The following CHCHD3 variants were observed in gnomAD, a reference collection of about 807,000 sequenced individuals.
The protein encoded by CHCHD3 is MICOS complex subunit MIC19.
CHCHD3 carries 20 observed loss-of-function variants against 38.2 expected under a neutral mutation model. That is an observed-to-expected ratio of 0.52 (90% CI 0.37 to 0.76). The LOEUF is 0.76. Among genes scored for constraint, CHCHD3 ranks in the 30% least tolerant of loss-of-function variants. The probability of loss-of-function intolerance (pLI) is 0.00; values close to 1 mark genes in which losing one functional copy is unlikely to be tolerated. For missense variants in CHCHD3, 245 were observed against 279.2 expected (o/e 0.88, Z 0.87); for synonymous variants, 82 against 100.0 (o/e 0.82, Z 1.07).
intron 4 of CHCHD3, among the ~76,000 whole-genome samples, chr7:132,898,690 G>T (rs892893033): frequency 1.3e-5 from 2 of 152,254 alleles, no homozygotes; most frequent in African/African-American, 4.8e-5. Context: ...GGCCGCACAG[G>T]AGCCCACGGA....
intron 4 of CHCHD3, among the ~76,000 whole-genome samples, chr7:132,948,981 G>C (rs1810970103): frequency 6.6e-6 from 1 of 152,078 alleles, no homozygotes; most frequent in African/African-American, 2.4e-5. Flanking sequence ...GAAAATAATA[G>C]TATTTAGTGC....
At chr7:132,810,104 T>A (rs1194472207) in intron 6 of CHCHD3, among the ~76,000 whole-genome samples, 2 of 152,196 alleles carry the variant, frequency 1.3e-5, no homozygotes, top group African/African-American at 4.8e-5. Flanking sequence ...TCGTAATATC[T>A]CATCTCTAGC....
chr7:132,989,522 G>A (rs1812212649), intron 3 of CHCHD3, among the ~76,000 whole-genome samples: 3 of 151,990 alleles, frequency 2.0e-5, no homozygotes, highest in Admixed American at 2.0e-4. Context: ...TTTACACATT[G>A]TATATTACTT....
At chr7:132,792,714 C>T (rs1055141805) in intron 7 of CHCHD3, among the ~76,000 whole-genome samples, 1 of 152,160 alleles carries the variant, frequency 6.6e-6, no homozygotes, top group African/African-American at 2.4e-5. Context: ...CTAGATGGCC[C>T]TCATGGATCA....
At chr7:133,006,062 ATTAAC>A (rs937241836) in intron 3 of CHCHD3, among the ~76,000 whole-genome samples, 2 of 152,230 alleles carry the variant, frequency 1.3e-5, no homozygotes, top group Non-Finnish European at 2.9e-5. Flanking sequence ...CTTAAACTAT[ATTAAC>A]TTAACATTAA....
At chr7:132,811,914 T>A (rs1225981533) in intron 6 of CHCHD3, among the ~76,000 whole-genome samples, 1 of 152,194 alleles carries the variant, frequency 6.6e-6, no homozygotes, top group Non-Finnish European at 1.5e-5. Flanking sequence ...TGTGTGTTGG[T>A]CGCTATCTAA....
chr7:132,832,581 T>C (rs1278666192), intron 6 of CHCHD3, among the ~76,000 whole-genome samples: 1 of 152,140 alleles, frequency 6.6e-6, no homozygotes, highest in African/African-American at 2.4e-5. Context: ...GTATCAATTG[T>C]CCTGTAAAAT....
chr7:132,887,920 A>G (rs1809257132), intron 4 of CHCHD3, among the ~76,000 whole-genome samples: 1 of 151,900 alleles, frequency 6.6e-6, no homozygotes, highest in African/African-American at 2.4e-5. Flanking sequence ...CCTATGTACC[A>G]GATCTAAAAA....
intron 1 of CHCHD3, among the ~76,000 whole-genome samples, chr7:133,070,686 A>G (rs1270332446): frequency 1.3e-5 from 2 of 150,872 alleles, no homozygotes. Context: ...TCGCTCTTTC[A>G]ACAGATTTCA....
intron 5 of CHCHD3, among the ~76,000 whole-genome samples, chr7:132,854,618 A>T (rs1336154497): frequency 6.6e-6 from 1 of 152,204 alleles, no homozygotes; most frequent in Non-Finnish European, 1.5e-5. Context: ...TTAAATTATG[A>T]AGGTTAAAGC....
At chr7:132,832,814 C>G (rs1026509479) in intron 6 of CHCHD3, among the ~76,000 whole-genome samples, 7 of 152,302 alleles carry the variant, frequency 4.6e-5, no homozygotes, top group Middle Eastern at 3.4e-3. Context: ...GACCAAGAAA[C>G]AGGAGGCCGG....
chr7:132,915,477 C>T (rs954000623), intron 4 of CHCHD3, among the ~76,000 whole-genome samples: 5 of 152,162 alleles, frequency 3.3e-5, no homozygotes, highest in African/African-American at 1.2e-4. Flanking sequence ...CCTTATCTAT[C>T]CTTCCACTTA....
chr7:133,057,754 ATAAT>A (rs1317259518), intron 2 of CHCHD3, among the ~76,000 whole-genome samples: 5 of 152,186 alleles, frequency 3.3e-5, no homozygotes, highest in East Asian at 3.8e-4. Flanking sequence ...ACAGGAAAAA[ATAAT>A]TAGAGGAAAA....
At chr7:133,070,981 G>A (rs1046323761) in intron 1 of CHCHD3, among the ~76,000 whole-genome samples, 2 of 152,120 alleles carry the variant, frequency 1.3e-5, no homozygotes, top group Non-Finnish European at 2.9e-5. Flanking sequence ...GCTCCTGGGT[G>A]AGAAAAATCA....
At chr7:133,041,796 C>G (rs1164553500) in intron 2 of CHCHD3, among the ~76,000 whole-genome samples, 1 of 152,154 alleles carries the variant, frequency 6.6e-6, no homozygotes, top group Non-Finnish European at 1.5e-5. Context: ...CCTGGCTGTC[C>G]CCATCTAAGA....
chr7:132,821,594 G>A (rs1427164023), intron 6 of CHCHD3, among the ~76,000 whole-genome samples: 1 of 152,056 alleles, frequency 6.6e-6, no homozygotes, highest in Non-Finnish European at 1.5e-5. Flanking sequence ...AAAACTTGTA[G>A]TATATTAAAC....
intron 1 of CHCHD3, among the ~76,000 whole-genome samples, chr7:133,080,954 C>T (rs776044999): frequency 9.9e-5 from 15 of 152,008 alleles, no homozygotes; most frequent in Non-Finnish European, 1.6e-4. Flanking sequence ...GCTTTATTTA[C>T]TAGGTTCAGG....
At chr7:132,968,005 G>T (rs10254301) in intron 4 of CHCHD3, among the ~76,000 whole-genome samples, 1,577 of 152,168 alleles carry the variant, frequency 0.01, 25 homozygotes, top group African/African-American at 0.036. Flanking sequence ...GCCTAGGCAG[G>T]CAAACTGAAA....
chr7:132,953,992 G>C (rs1811098185), intron 4 of CHCHD3, among the ~76,000 whole-genome samples: 1 of 152,176 alleles, frequency 6.6e-6, no homozygotes, highest in Non-Finnish European at 1.5e-5. Context: ...TCATTTCTGT[G>C]TTAGGAAATC....
Sources: allele counts gnomAD v4.1 joint callset (sites outside exome capture counted in the v4.1 genomes callset), GRCh38; gene constraint gnomAD v4.1.1; transcripts MANE v1.5; gene names NCBI Gene and HGNC (gene_info 2026-07-23, HGNC 2026-07-21).